The following CUEDC1 variants were observed in gnomAD, a reference collection of about 807,000 sequenced individuals.
CUEDC1 encodes CUE domain containing 1.
CUEDC1 carries 30 observed loss-of-function variants against 43.7 expected under a neutral mutation model. The observed-to-expected ratio is 0.69, with a 90% confidence interval of 0.51 to 0.93. The LOEUF is 0.93. Ranked by LOEUF, CUEDC1 falls within the 40% of genes least tolerant of loss-of-function variation. The pLI is 0.00. For synonymous variants in CUEDC1, 223 were observed against 223.6 expected (o/e 1.00, Z 0.02); for missense variants, 486 against 549.0 (o/e 0.89, Z 1.15).
intron 4 of CUEDC1, 150 bp from the exon 5 acceptor site, chr17:57,873,005 C>A (rs2074057529): frequency 2.8e-6 from 2 of 719,656 alleles, no homozygotes; most frequent in African/African-American, 1.8e-5. Flanking sequence ...TGGTTGCGAG[C>A]CAAAATCCAA....
intron 3 of CUEDC1, among the ~76,000 whole-genome samples, chr17:57,874,918 G>C (rs1230194602): frequency 6.6e-6 from 1 of 152,190 alleles, no homozygotes; most frequent in South Asian, 2.1e-4. Flanking sequence ...GCTGCTAAGT[G>C]CCTGGTGGGA....
At chr17:57,874,048 C>A (rs747964006) in intron 3 of CUEDC1, among the ~76,000 whole-genome samples, 1 of 152,212 alleles carries the variant, frequency 6.6e-6, no homozygotes, top group Non-Finnish European at 1.5e-5. Context: ...CAGCAGGGAT[C>A]GCATCCTTTC....
rs2074277626 is a variant in CUEDC1, at chr17:57,885,511, G to A, written c.54C>T (p.Ala18=). ...TGCCTCCCCCGCCCCCGCGTGCCCC[G>A]GCGGTGCCACCCCCGCCGCTGCCGC... ...SSSGSGGGGT[A]GARGGGGGTA... Residue 18 remains alanine, a synonymous_variant, in exon 2 of 11, where the codon GCC becomes GCT. Transcript: ENST00000577830. The A allele has an allele frequency of 6.2e-6, 9 of 1,440,340 alleles. No individual in the cohort carries two copies. Among genetic ancestry groups the A allele is most frequent in the African/African-American group, 1.5e-5 (1 of 68,258 alleles). The allele number at this position is 1,440,340 out of a possible 1,614,324, so 89.2% of individuals were successfully genotyped here.
intron 10 of CUEDC1, 25 bp downstream of exon 10, chr17:57,866,449 G>A (rs375403529): frequency 2.9e-5 from 47 of 1,611,604 alleles, no homozygotes; most frequent in African/African-American, 4.0e-5. Context: ...GGCAGTCCCT[G>A]GGTTGCTATG....
At chr17:57,935,507 C>G (rs2074852584) in intron 1 of CUEDC1, among the ~76,000 whole-genome samples, 1 of 152,112 alleles carries the variant, frequency 6.6e-6, no homozygotes, top group Non-Finnish European at 1.5e-5. Flanking sequence ...ACTGGGGCCT[C>G]CAGGAAATAT....
intron 3 of CUEDC1, among the ~76,000 whole-genome samples, chr17:57,878,383 A>T (rs138348602): frequency 6.6e-6 from 1 of 152,202 alleles, no homozygotes; most frequent in East Asian, 1.9e-4. Flanking sequence ...AAGGGTGCTT[A>T]GTCAATGCTA....
intron 1 of CUEDC1, among the ~76,000 whole-genome samples, chr17:57,939,220 G>A (rs1261357143): frequency 2.0e-5 from 3 of 151,720 alleles, no homozygotes; most frequent in South Asian, 2.1e-4. Context: ...GCCTGCCTTG[G>A]CCCCCCAAAG....
Position 57,866,563 on chromosome 17 carries a change from C to G in CUEDC1, c.1094-19G>C. The G allele has an allele frequency of 6.2e-7, 1 of 1,613,960 alleles. No homozygotes were observed. The highest frequency in any genetic ancestry group is 1.3e-5 in the African/African-American group (1 of 75,058). ...TCTTCATCTGAAAAGGAGAGGGAAGCTGCCTCATCCTCTACCCTGCAGGGC... is the reference window on the plus strand; with the variant it reads ...TCTTCATCTGAAAAGGAGAGGGAAGGTGCCTCATCCTCTACCCTGCAGGGC... On this transcript the variant is annotated intron_variant, in intron 9 of 10. Transcript: ENST00000577830.
intron 1 of CUEDC1, among the ~76,000 whole-genome samples, chr17:57,935,715 C>T (rs1482046837): frequency 6.6e-6 from 1 of 151,978 alleles, no homozygotes; most frequent in East Asian, 1.9e-4. Context: ...GTTGCCATGG[C>T]CACGGTCCAC....
intron 4 of CUEDC1, 84 bp from the exon 5 acceptor site, chr17:57,872,939 T>C (rs2304943): frequency 0.14 from 185,112 of 1,293,018 alleles, 18,098 homozygotes; most frequent in African/African-American, 0.48. Context: ...GTTGCACACA[T>C]GCCCTGTCCA....
At chr17:57,907,199 A>G (rs2074538330) in intron 1 of CUEDC1, among the ~76,000 whole-genome samples, 1 of 152,090 alleles carries the variant, frequency 6.6e-6, no homozygotes, top group Admixed American at 6.6e-5. Flanking sequence ...GCTGGGGGAG[A>G]CAGCACTGCA....
intron 1 of CUEDC1, among the ~76,000 whole-genome samples, chr17:57,951,122 C>T (rs570983455): frequency 7.9e-5 from 12 of 151,394 alleles, no homozygotes; most frequent in African/African-American, 2.7e-4. Flanking sequence ...CCCACTCTTC[C>T]AAAATCCACC....
At chr17:57,915,470 A>G (rs1460312949) in intron 1 of CUEDC1, among the ~76,000 whole-genome samples, 1 of 152,082 alleles carries the variant, frequency 6.6e-6, no homozygotes, top group Non-Finnish European at 1.5e-5. Flanking sequence ...CAGATATTAA[A>G]ATGAAGTCTT....
intron 1 of CUEDC1, among the ~76,000 whole-genome samples, chr17:57,933,261 A>G (rs930851484): frequency 6.6e-6 from 1 of 152,178 alleles, no homozygotes; most frequent in Non-Finnish European, 1.5e-5. Context: ...TAGCCAGTCT[A>G]AGATTCTACA....
intron 1 of CUEDC1, among the ~76,000 whole-genome samples, chr17:57,889,343 C>T (rs1204791822): frequency 6.6e-6 from 1 of 152,164 alleles, no homozygotes; most frequent in Non-Finnish European, 1.5e-5. Flanking sequence ...GGGGGGTCTT[C>T]CCCAGCACCT....
intron 1 of CUEDC1, among the ~76,000 whole-genome samples, chr17:57,907,253 T>C (rs1472148182): frequency 6.6e-6 from 1 of 152,050 alleles, no homozygotes; most frequent in African/African-American, 2.4e-5. Flanking sequence ...TATGATACGC[T>C]AGGAAACAGT....
rs764771940 is a variant in CUEDC1 at position 57,885,376 on chromosome 17, G to A, written c.189C>T (p.Tyr63=). The A allele has an allele frequency of 2.0e-5, 33 of 1,611,886 alleles. No homozygotes were observed. In the East Asian group the frequency reaches 3.1e-4, roughly 15 times the overall value. ...DFKTMFPNMD[Y]DIIECVLRAN... The stretch of plus-strand genomic sequence containing the variant: ...CGCGCAGCACGCATTCGATGATGTC[G>A]TAATCCATGTTGGGGAACATGGTCT... Residue 63 remains tyrosine (Y), a synonymous_variant, in exon 2 of 11, where the codon TAC becomes TAT. Transcript: ENST00000577830.
At chr17:57,940,550 G>A (rs1023560759) in intron 1 of CUEDC1, among the ~76,000 whole-genome samples, 1 of 152,152 alleles carries the variant, frequency 6.6e-6, no homozygotes, top group Non-Finnish European at 1.5e-5. Flanking sequence ...TGCACTGCCT[G>A]ACCTACAAGA....
Position 57,873,696 on chromosome 17 carries a change from T to C in CUEDC1, c.486A>G (p.Gly162=), listed in dbSNP as rs1400245701. ...PPPRIDALGS[G]APTSQRRYRN... ...GATAGCGTCTCTGGCTTGTAGGGGC[T>C]CCAGAGCCCAGCGCGTCGATACTAG... The change falls in exon 4 of 11, where the codon GGA becomes GGG. Residue 162 remains glycine (G), a synonymous_variant. Coordinates refer to ENST00000577830, the MANE Select transcript of CUEDC1 (RefSeq NM_001271875.2). The C allele has an allele frequency of 1.3e-6, 2 of 1,591,802 alleles. No homozygotes were observed. The highest frequency in any genetic ancestry group is 2.3e-5 in the South Asian group (2 of 88,214).
Sources: gnomAD v4.1 joint callset for allele counts (sites outside exome capture counted in the v4.1 genomes callset) on GRCh38, gnomAD v4.1.1 for gene constraint, MANE v1.5 for transcripts, NCBI Gene and HGNC (gene_info 2026-07-23, HGNC 2026-07-21) for gene names.